DEPDC7: variants seen among roughly 807,000 people sequenced by gnomAD.
The protein encoded by DEPDC7 is DEP domain-containing protein 7.
A neutral mutation model predicts 56.6 loss-of-function variants in DEPDC7; 41 were observed. The ratio of observed to expected loss-of-function variants is 0.72; its 90% CI spans 0.56 to 0.94. DEPDC7 has a LOEUF of 0.94. DEPDC7 is among the 40% of genes least tolerant of loss of function. The pLI is 0.00. For missense variants in DEPDC7, 522 were observed against 596.3 expected (o/e 0.88, Z 1.30); for synonymous variants, 185 against 208.8 (o/e 0.89, Z 0.98).
At chr11:33,028,211 TA>T (rs1267047673) in intron 3 of DEPDC7, 1 of 195,360 alleles carries the variant, frequency 5.1e-6, no homozygotes, top group African/African-American at 2.3e-5. Flanking sequence ...TTAATGACTT[TA>T]ATTTCCACCC....
Position 33,031,566 on chromosome 11 carries a change from A to G in DEPDC7, c.971A>G (p.His324Arg). The change falls in exon 5 of 9, where the codon CAT becomes CGT. Residue 324 changes from histidine to arginine, a missense_variant. Coordinates refer to ENST00000241051, the MANE Select transcript of DEPDC7 (RefSeq NM_001077242.2). ...EPLLNHLSDV[H>R]NGIAELLVNG... ...CTGTTAAATCACTTATCTGACGTTC[A>G]TAATGGAATTGCAGAACTCTTAGGT... 1 of 1,613,414 alleles carries G rather than the reference A, an allele frequency of 6.2e-7. No homozygotes were observed. Among genetic ancestry groups the G allele is most frequent in the Non-Finnish European group, 8.5e-7 (1 of 1,179,292 alleles).
chr11:33,016,542 G>A (rs1853463930), intron 1 of DEPDC7: 1 of 1,614,100 alleles, frequency 6.2e-7, no homozygotes, highest in Non-Finnish European at 8.5e-7. Flanking sequence ...TGGGAGGGAT[G>A]AGAGGTTTAT....
At chr11:33,019,567 G>A (rs1853502052) in intron 1 of DEPDC7, among the ~76,000 whole-genome samples, 1 of 152,056 alleles carries the variant, frequency 6.6e-6, no homozygotes, top group African/African-American at 2.4e-5. Context: ...TCAGGAGGTT[G>A]AGGCAGGAGA....
chr11:33,020,047 A>C (rs1015869931), intron 1 of DEPDC7, among the ~76,000 whole-genome samples: 2 of 152,178 alleles, frequency 1.3e-5, no homozygotes, highest in African/African-American at 2.4e-5. Context: ...ATTTAATATA[A>C]TCTTACTATT....
intron 1 of DEPDC7, chr11:33,016,576 G>A (rs1374196125): frequency 1.9e-5 from 30 of 1,614,100 alleles, no homozygotes; most frequent in Non-Finnish European, 2.5e-5. Context: ...GCAGGAATTT[G>A]GCATAAAAGG....
In DEPDC7 at chr11:33,026,251, C is replaced by T. The variant is rs1853577235; in HGVS notation, c.464+202C>T. 3 of 596,780 alleles carry T rather than the reference C, an allele frequency of 5.0e-6. No individual in the cohort carries two copies. In the African/African-American group the frequency reaches 5.6e-5, roughly 11 times the overall value. 37.0% of individuals were successfully genotyped at this position (596,780 alleles called of 1,614,324 possible). A position where few individuals can be genotyped will look rare whatever the true frequency, so the allele number is the denominator to read the frequency against. On this transcript the variant is annotated intron_variant, in intron 2 of 8. Transcript: ENST00000241051. ...AGTCATATTTTATATTTAGCAGAAGCAGTCAACACACTTTGATTTTCCTGC... is the reference window on the plus strand; with the variant it reads ...AGTCATATTTTATATTTAGCAGAAGTAGTCAACACACTTTGATTTTCCTGC...
At position 33,033,317 on chromosome 11, in the gene DEPDC7, G is replaced by A; in HGVS notation, c.1398G>A (p.Lys466=). 1 of 1,607,992 alleles carries A rather than the reference G, an allele frequency of 6.2e-7. No individual in the cohort carries two copies. The highest frequency in any genetic ancestry group is 1.3e-5 in the African/African-American group (1 of 74,628). The change falls in exon 9 of 9, where the codon AAG becomes AAA. Residue 466 remains lysine (K), a synonymous_variant. Transcript: ENST00000241051. ...GTGACTATTCCAACAATACAGAGAAGACAACCAAAGATGAGCTGTTGAATT... is the reference window on the plus strand; with the variant it reads ...GTGACTATTCCAACAATACAGAGAAAACAACCAAAGATGAGCTGTTGAATT... ...DQRDYSNNTE[K]TTKDELLNLL...
rs555866348 is a variant in DEPDC7 at position 33,022,240 on chromosome 11, C to T, written c.74-3419C>T. Among the ~76,000 whole-genome samples the T allele has an allele frequency of 3.3e-5, 5 of 152,294 alleles. No homozygotes were observed. In the South Asian group the frequency reaches 1.0e-3, roughly 32 times the overall value. ...TCCTGCCTTATTTTATGAGTAGTGA[C>T]TACTGTTTTTAAATAGCTTGGTTAA... On this transcript the variant is annotated intron_variant, in intron 1 of 8. Transcript: ENST00000241051.
At chr11:33,033,211 A>G in intron 8 of DEPDC7, 51 bp from the exon 9 acceptor site, 1 of 1,335,894 alleles carries the variant, frequency 7.5e-7, no homozygotes, top group Non-Finnish European at 1.0e-6. Context: ...TTTTCTGCTT[A>G]AATATGAGGA....
chr11:33,018,925 A>C (rs150570365), intron 1 of DEPDC7, among the ~76,000 whole-genome samples: 155 of 152,324 alleles, frequency 1.0e-3, no homozygotes, highest in Middle Eastern at 6.8e-3. Flanking sequence ...TGCGAGACAC[A>C]TTAACATATT....
At chr11:33,032,842 A>G (rs1264118118) in intron 7 of DEPDC7, 47 bp from the exon 8 acceptor site, 6 of 1,581,454 alleles carry the variant, frequency 3.8e-6, no homozygotes, top group Non-Finnish European at 5.2e-6. Flanking sequence ...AGATCACTAG[A>G]TTAAAATGCA....
intron 1 of DEPDC7, among the ~76,000 whole-genome samples, chr11:33,025,176 C>G (rs952204550): frequency 6.6e-6 from 1 of 152,124 alleles, no homozygotes; most frequent in African/African-American, 2.4e-5. Flanking sequence ...GACCTCCCTC[C>G]TATCCTACCA....
chr11:33,032,009 G>A (rs1853638218), intron 5 of DEPDC7, among the ~76,000 whole-genome samples: 1 of 152,178 alleles, frequency 6.6e-6, no homozygotes, highest in South Asian at 2.1e-4. Flanking sequence ...CTCAAGGAGA[G>A]TTGGATACAT....
intron 4 of DEPDC7, among the ~76,000 whole-genome samples, chr11:33,030,713 A>G (rs1853624711): frequency 2.0e-5 from 3 of 151,906 alleles, no homozygotes; most frequent in Admixed American, 1.3e-4. Flanking sequence ...CCTCCCAAGT[A>G]TCTTGGATTA....
chr11:33,031,984 ATT>A (rs751991659), intron 5 of DEPDC7, among the ~76,000 whole-genome samples: 45 of 125,742 alleles, frequency 3.6e-4, no homozygotes, highest in Admixed American at 1.6e-3. Flanking sequence ...GTTTCAGAAA[ATT>A]TCTCTTATTT....
chr11:33,015,908 G>C lies in DEPDC7; in HGVS notation c.-48G>C. The C allele has an allele frequency of 6.5e-7, 1 of 1,529,386 alleles. No homozygotes were observed. The highest frequency in any genetic ancestry group is 1.2e-5 in the South Asian group (1 of 82,022). The allele number at this position is 1,529,386 out of a possible 1,614,324, so 94.7% of individuals were successfully genotyped here. A position where few individuals can be genotyped will look rare whatever the true frequency, so the allele number is the denominator to read the frequency against. ...TAACAGACGGGCGCTCAGGGAGCTAGGGAGCTGTGAAGCTGCTGGAGGAGT... is the reference window on the plus strand; with the variant it reads ...TAACAGACGGGCGCTCAGGGAGCTACGGAGCTGTGAAGCTGCTGGAGGAGT... On this transcript the variant is annotated 5_prime_UTR_variant, in exon 1 of 9. Transcript: ENST00000241051.
chr11:33,029,380 T>A (rs1936368454), intron 4 of DEPDC7, among the ~76,000 whole-genome samples: 1 of 150,104 alleles, frequency 6.7e-6, no homozygotes, highest in Admixed American at 6.7e-5. Flanking sequence ...TAATCCCAGC[T>A]ACTTGGGAGG....
Position 33,031,362 on chromosome 11 carries a change from C to G in DEPDC7, c.783-16C>G. On this transcript the variant is annotated splice_polypyrimidine_tract_variant and intron_variant, in intron 4 of 8. Coordinates refer to ENST00000241051, the MANE Select transcript of DEPDC7 (RefSeq NM_001077242.2). ...CTTCCCTTGCCTTTTAAATAATCTT[C>G]CCCTCTCCCCTATAGGGAAGATGAG... The G allele has an allele frequency of 6.3e-7, 1 of 1,592,984 alleles. No individual in the cohort carries two copies. Among genetic ancestry groups the G allele is most frequent in the Non-Finnish European group, 8.6e-7 (1 of 1,160,840 alleles).
At chr11:33,016,337 C>G in intron 1 of DEPDC7, 3 of 1,401,760 alleles carry the variant, frequency 2.1e-6, no homozygotes, top group Non-Finnish European at 2.8e-6. Flanking sequence ...AGGCACGCGC[C>G]GGGGAGCTCC....
Sources: allele counts gnomAD v4.1 joint callset (sites outside exome capture counted in the v4.1 genomes callset), GRCh38; gene constraint gnomAD v4.1.1; transcripts MANE v1.5; gene names NCBI Gene and HGNC (gene_info 2026-07-23, HGNC 2026-07-21).